ROBO2: variants seen among roughly 807,000 people sequenced by gnomAD.
ROBO2 encodes roundabout homolog 2.
A neutral mutation model predicts 160.8 loss-of-function variants in ROBO2; 53 were observed. The observed-to-expected ratio is 0.33, with a 90% CI of 0.26 to 0.41. The LOEUF (loss-of-function observed/expected upper bound fraction) is 0.41, where lower values mean the gene tolerates loss of function less well. Ranked by LOEUF, ROBO2 falls within the 10% of genes least tolerant of loss-of-function variation. The pLI is 1.00. For synonymous variants in ROBO2, 664 were observed against 611.7 expected, an observed-to-expected ratio of 1.09 and a Z score of -1.26; for missense variants, 1,577 against 1,722.4, an observed-to-expected ratio of 0.92 and a Z score of 1.49.
At chr3:77,009,501 T>C (rs558313009) in intron 2 of ROBO2, among the ~76,000 whole-genome samples, 1 of 152,328 alleles carries the variant, frequency 6.6e-6, no homozygotes, top group Non-Finnish European at 1.5e-5. Flanking sequence ...TGCCAAACTA[T>C]TTTGGAAACA....
rs78562733 is a variant in ROBO2, at chr3:77,229,129, C to A, written c.388+130789C>A. Among the ~76,000 whole-genome samples, 3 of 152,096 alleles carry A rather than the reference C, an allele frequency of 2.0e-5. No homozygotes were observed. The East Asian group carries it at 5.8e-4, about 29-fold the overall frequency. On this transcript the variant is annotated intron_variant, in intron 2 of 25. Transcript: ENST00000461745. ...GTCATGTATTTCTCACAAATGACAG[C>A]TACTGATATGGCAGCAGCTATTGGT...
chr3:77,400,737 A>T (rs932509865), intron 2 of ROBO2, among the ~76,000 whole-genome samples: 1 of 152,156 alleles, frequency 6.6e-6, no homozygotes, highest in Non-Finnish European at 1.5e-5. Flanking sequence ...CTAAATGCAG[A>T]TGTAGTTAAT....
intron 2 of ROBO2, among the ~76,000 whole-genome samples, chr3:76,644,200 G>T (rs1433179345): frequency 1.3e-5 from 2 of 152,080 alleles, no homozygotes; most frequent in Non-Finnish European, 2.9e-5. Flanking sequence ...GTAGCCCTGA[G>T]CACATTCCCT....
intron 2 of ROBO2, among the ~76,000 whole-genome samples, chr3:76,206,944 A>G (rs1027231558): frequency 7.9e-5 from 12 of 152,276 alleles, no homozygotes; most frequent in Non-Finnish European, 1.0e-4. Flanking sequence ...TCCCAATCCC[A>G]TTAGAAAAGA....
intron 2 of ROBO2, among the ~76,000 whole-genome samples, chr3:76,163,036 A>G (rs185567586): frequency 1.7e-4 from 26 of 152,288 alleles, no homozygotes; most frequent in African/African-American, 6.0e-4. Context: ...AAAAGAACCT[A>G]TCAAGGTTAC....
At chr3:77,544,110 G>GTT (rs36057995) in intron 6 of ROBO2, among the ~76,000 whole-genome samples, 11 of 142,416 alleles carry the variant, frequency 7.7e-5, no homozygotes, top group Admixed American at 4.2e-4. Context: ...AACCTTAAGT[G>GTT]TTTTTTTTTT....
At chr3:77,622,339 G>A (rs1235520597) in exon 23 of ROBO2, 5 of 1,613,984 alleles carry the variant, frequency 3.1e-6, no homozygotes, top group East Asian at 2.2e-5. Context: ...TGATGCCGAC[G>A]ACGAAGAGGA....
At chr3:77,411,627 A>T (rs1475846957) in intron 2 of ROBO2, among the ~76,000 whole-genome samples, 1 of 152,220 alleles carries the variant, frequency 6.6e-6, no homozygotes, top group African/African-American at 2.4e-5. Context: ...TGGTAAATTG[A>T]ACTTCTCCAT....
At chr3:77,140,236 T>A (rs1003280625) in intron 2 of ROBO2, among the ~76,000 whole-genome samples, 1 of 151,946 alleles carries the variant, frequency 6.6e-6, no homozygotes, top group Admixed American at 6.6e-5. Context: ...CCTAGCTGAG[T>A]TTTTTAGATT....
At chr3:76,647,241 G>C (rs1005729752) in intron 2 of ROBO2, among the ~76,000 whole-genome samples, 1 of 152,142 alleles carries the variant, frequency 6.6e-6, no homozygotes, top group Admixed American at 6.5e-5. Flanking sequence ...GCAAGTGCAG[G>C]GGGGAAATGC....
In ROBO2 at chr3:76,084,908, A is replaced by G. The variant is rs553379895; in HGVS notation, c.109+147306A>G. ...AGCTTAAGTAAATTAATAAAATAAAATGAAACACGTAAAGATTCAGAATGT... is the reference window on the plus strand; with the variant it reads ...AGCTTAAGTAAATTAATAAAATAAAGTGAAACACGTAAAGATTCAGAATGT... On this transcript the variant is annotated intron_variant, in intron 2 of 26. Coordinates refer to the ROBO2 transcript ENST00000487694. Among the ~76,000 whole-genome samples, 10 of 152,242 alleles carry G rather than the reference A, an allele frequency of 6.6e-5. No individual in the cohort carries two copies. In the South Asian group the frequency reaches 2.1e-3, roughly 32 times the overall value.
intron 2 of ROBO2, among the ~76,000 whole-genome samples, chr3:76,872,622 C>T (rs2148688334): frequency 6.6e-6 from 1 of 152,070 alleles, no homozygotes; most frequent in Admixed American, 6.5e-5. Flanking sequence ...AATAAAGCCA[C>T]AAACTGTGTA....
chr3:76,791,596 C>T (rs1205596288), intron 2 of ROBO2, among the ~76,000 whole-genome samples: 1 of 151,486 alleles, frequency 6.6e-6, no homozygotes, highest in Non-Finnish European at 1.5e-5. Context: ...CAGGAGTGCT[C>T]TAATCAAGCT....
intron 2 of ROBO2, among the ~76,000 whole-genome samples, chr3:76,770,959 C>A (rs1239586643): frequency 1.3e-5 from 2 of 151,278 alleles, no homozygotes; most frequent in African/African-American, 4.8e-5. Context: ...GTGGAAGAAT[C>A]TACTGGTATG....
At chr3:76,752,204 C>T (rs990163489) in intron 2 of ROBO2, among the ~76,000 whole-genome samples, 2 of 151,580 alleles carry the variant, frequency 1.3e-5, no homozygotes, top group Admixed American at 6.6e-5. Context: ...AACCAAACAC[C>T]GCATGTTCTC....
intron 2 of ROBO2, among the ~76,000 whole-genome samples, chr3:76,188,874 G>A (rs2107162207): frequency 6.6e-6 from 1 of 152,094 alleles, no homozygotes; most frequent in African/African-American, 2.4e-5. Context: ...ATGAAATAAA[G>A]ATACAGTGTT....
At chr3:77,093,042 C>T (rs189910286) in intron 1 of ROBO2, among the ~76,000 whole-genome samples, 284 of 152,170 alleles carry the variant, frequency 1.9e-3, no homozygotes, top group Non-Finnish European at 3.2e-3. Flanking sequence ...CTTCCTCCTC[C>T]TCATCCCCCT....
chr3:76,486,040 C>A (rs931757747), intron 2 of ROBO2, among the ~76,000 whole-genome samples: 1 of 152,174 alleles, frequency 6.6e-6, no homozygotes, highest in African/African-American at 2.4e-5. Context: ...TTGAGCAAGC[C>A]ATCTTCACCT....
chr3:77,131,519 A>C (rs1245473809), intron 2 of ROBO2, among the ~76,000 whole-genome samples: 1 of 152,240 alleles, frequency 6.6e-6, no homozygotes, highest in Non-Finnish European at 1.5e-5. Context: ...ACCAACCAAC[A>C]AACAAAAATC....
Sources: allele counts gnomAD v4.1 joint callset (sites outside exome capture counted in the v4.1 genomes callset), GRCh38; gene constraint gnomAD v4.1.1; transcripts MANE v1.5; gene names NCBI Gene and HGNC (gene_info 2026-07-23, HGNC 2026-07-21).